The following LRRC41 variants were observed in gnomAD, a reference collection of about 807,000 sequenced individuals.
LRRC41 encodes the protein leucine rich repeat containing 41, also known as leucine-rich repeat-containing protein 41.
In LRRC41, 17 loss-of-function variants were observed where a neutral mutation model predicts 72.1. The ratio of observed to expected loss-of-function variants is 0.24; its 90% CI spans 0.16 to 0.35. LRRC41 has a LOEUF of 0.35. Among genes scored for constraint, LRRC41 ranks in the 10% least tolerant of loss-of-function variants. The pLI, the probability that LRRC41 is intolerant of heterozygous loss-of-function variation, is 1.00. For missense variants in LRRC41, 759 were observed against 1,065.0 expected (o/e 0.71, Z 4.00); for synonymous variants, 427 against 431.0 (o/e 0.99, Z 0.11).
chr1:46,281,384 G>C lies in LRRC41; in HGVS notation c.1497C>G (p.Gly499=). ...GCAGGCGGAAGATGTTAGAGCCCAG[G>C]CCTATGGCAAGAAAGAGATTAAGTC... is the stretch of plus-strand genomic sequence containing the variant. ...SLESLTLSYN[G]LGSNIFRLLD... Residue 499 remains glycine (G), a splice_region_variant and synonymous_variant, in exon 5 of 10, where the codon GGC becomes GGG. Transcript: ENST00000617190. The C allele has an allele frequency of 6.2e-7, 1 of 1,614,016 alleles. No homozygotes were observed. The highest frequency in any genetic ancestry group is 8.5e-7 in the Non-Finnish European group (1 of 1,179,900).
At position 46,285,649 on chromosome 1, in the gene LRRC41, C is replaced by T. The variant is rs371994339; in HGVS notation, c.1208G>A (p.Arg403His). 1.4e-4 allele frequency: 224 copies of T among 1,614,148 alleles called. 3 individuals are homozygous for T. The highest frequency in any genetic ancestry group is 1.4e-3 in the South Asian group (124 of 91,060). ...TTCAGACTCTGCACCAGGCCCCTGACGGGTGCGAGCACCCTTCTTCCCTGC... is the reference window on the plus strand; with the variant it reads ...TTCAGACTCTGCACCAGGCCCCTGATGGGTGCGAGCACCCTTCTTCCCTGC... ...RAAGKKGARTRQGPGAESEDL... is the reference protein window; with the variant it reads ...RAAGKKGARTHQGPGAESEDL... The change falls in exon 4 of 10, where the codon CGT becomes CAT. Residue 403 changes from arginine (R) to histidine (H), a missense_variant. Around this residue, in one of 4 missense-constraint regions of LRRC41, gnomAD observed 427 missense variants for 520.9 expected, o/e 0.82. Transcript: ENST00000617190. The surrounding 1 kb of genome is among the most constrained non-coding windows in gnomAD (Gnocchi z 5.3).
rs1358099964 is a variant in LRRC41 at position 46,293,629 on chromosome 1, G to A, written c.357+3934C>T. On this transcript the variant is annotated intron_variant, in intron 3 of 9. Transcript: ENST00000617190. ...CTCTCACCCAGGCTGGAGTGCAATGGAGCGATCTAGTCTTACTGCAACCTC... is the reference window on the plus strand; with the variant it reads ...CTCTCACCCAGGCTGGAGTGCAATGAAGCGATCTAGTCTTACTGCAACCTC... Among the ~76,000 whole-genome samples the A allele has an allele frequency of 2.0e-5, 3 of 152,122 alleles. No homozygotes were observed. In the East Asian group the frequency reaches 5.8e-4, roughly 29 times the overall value.
rs1175384013 is a variant in LRRC41, at chr1:46,286,204, A to G, written c.653T>C (p.Leu218Ser). The G allele has an allele frequency of 6.2e-7, 1 of 1,614,154 alleles. No homozygotes were observed. Among genetic ancestry groups the G allele is most frequent in the African/African-American group, 1.3e-5 (1 of 74,946 alleles). ...VAAQQSLRQL[L>S]HQLIHHGAVS... is the part of the protein sequence containing the mutation. ...AGCCCCATGGTGAATGAGCTGATGC[A>G]ACAGCTGCCGAAGTGACTGCTGAGC... The change falls in exon 4 of 10, where the codon TTG (leucine) becomes TCG (serine). Residue 218 changes from leucine to serine, a missense_variant. Physicochemically the swap from Leu to Ser is moderately radical, Grantham distance 145. Around this residue, in one of 4 missense-constraint regions of LRRC41, gnomAD observed 116 missense variants for 250.9 expected, o/e 0.46. Transcript: ENST00000617190. The surrounding 1 kb of genome is among the most constrained non-coding windows in gnomAD (Gnocchi z 5.5).
rs748107241 is a variant in LRRC41 at position 46,279,252 on chromosome 1, C to T, written c.2149G>A (p.Ala717Thr). Residue 717 changes from alanine (A) to threonine (T), a missense_variant, in exon 9 of 10, where the codon GCT becomes ACT. Coordinates refer to ENST00000617190, the MANE Select transcript of LRRC41 (RefSeq NM_006369.5). The surrounding 1 kb of genome is among the most constrained non-coding windows in gnomAD (Gnocchi z 4.5). ...ACATCTGCCAAGGCCAGCAGGCCAG[C>T]ATTCCCTGGAGAGAAGGGGAGAACG... is the stretch of plus-strand genomic sequence containing the variant. ...LRLPGNRLGNAGLLALADVFS... is the reference protein window; with the variant it reads ...LRLPGNRLGNTGLLALADVFS... 6.2e-7 allele frequency: 1 copy of T among 1,614,170 alleles called. No homozygotes were observed. Among genetic ancestry groups the T allele is most frequent in the South Asian group, 1.1e-5 (1 of 91,082 alleles).
Position 46,277,720 on chromosome 1 carries a change from G to A in LRRC41, c.*1145C>T. The A allele has an allele frequency of 7.3e-7, 1 of 1,365,852 alleles. No homozygotes were observed. The highest frequency in any genetic ancestry group is 1.0e-6 in the Non-Finnish European group (1 of 966,480). 84.6% of individuals were successfully genotyped at this position (1,365,852 alleles called of 1,614,324 possible). A position where few individuals can be genotyped will look rare whatever the true frequency, so the allele number is the denominator to read the frequency against. ...ACTTTTTATTCATCTCCTCTTCTCG[G>A]GTAGCTGTAGTTTCAACCCTTTGGT... On this transcript the variant is annotated 3_prime_UTR_variant, in exon 10 of 10. Coordinates refer to ENST00000617190, the MANE Select transcript of LRRC41 (RefSeq NM_006369.5).
rs866779688 is a variant in LRRC41, at chr1:46,285,315, G to C, written c.1495+47C>G. 1 of 1,593,898 alleles carries C rather than the reference G, an allele frequency of 6.3e-7. No homozygotes were observed. Among genetic ancestry groups the C allele is most frequent in the African/African-American group, 1.3e-5 (1 of 74,552 alleles). On this transcript the variant is annotated intron_variant, in intron 4 of 9. Transcript: ENST00000617190. This position sits in a 1 kb window ranked among gnomAD's most constrained non-coding sequence, Gnocchi z 5.3. ...CCCTAGAATTAGGCACACAGCTGGTGCTGCTAGGCAATCTAAGCCCAATCC... is the reference window on the plus strand; with the variant it reads ...CCCTAGAATTAGGCACACAGCTGGTCCTGCTAGGCAATCTAAGCCCAATCC...
intron 4 of LRRC41, among the ~76,000 whole-genome samples, chr1:46,283,614 C>T (rs185886261): frequency 2.0e-5 from 3 of 152,126 alleles, no homozygotes; most frequent in Non-Finnish European, 4.4e-5. Context: ...GCATAGTTGG[C>T]CTTTGAAACC....
At chr1:46,301,980 C>A (rs1177947620) in intron 1 of LRRC41, 3 of 985,338 alleles carry the variant, frequency 3.0e-6, no homozygotes, top group Admixed American at 1.2e-4. Flanking sequence ...CAGAGCCTCA[C>A]TTTCCCCTCT....
Position 46,286,596 on chromosome 1 carries a change from A to G in LRRC41, c.358-97T>C. The G allele has an allele frequency of 9.0e-7, 1 of 1,116,514 alleles. No homozygotes were observed. The highest frequency in any genetic ancestry group is 1.3e-6 in the Non-Finnish European group (1 of 785,572). The allele number at this position is 1,116,514 out of a possible 1,614,324, so 69.2% of individuals were successfully genotyped here. A position where few individuals can be genotyped will look rare whatever the true frequency, so the allele number is the denominator to read the frequency against. Reference sequence around the variant, plus strand: ...TAGCACACTATTTACTGAGTCAGGCAACACTACAAATTCATTTAATCTTCA... The same window carrying G: ...TAGCACACTATTTACTGAGTCAGGCGACACTACAAATTCATTTAATCTTCA... On this transcript the variant is annotated intron_variant, in intron 3 of 9. Coordinates refer to ENST00000617190, the MANE Select transcript of LRRC41 (RefSeq NM_006369.5). The surrounding 1 kb of genome is among the most constrained non-coding windows in gnomAD (Gnocchi z 5.5).
In LRRC41 at chr1:46,285,103, T is replaced by C. The variant is rs937433371; in HGVS notation, c.1495+259A>G. On this transcript the variant is annotated intron_variant, in intron 4 of 9. Transcript: ENST00000617190. This position sits in a 1 kb window ranked among gnomAD's most constrained non-coding sequence, Gnocchi z 5.3. ...CTTGGACTGCCTTCCATATCTAAAA[T>C]GTATTCATTCTTCAGATTCCAGCTG... 2 of 526,464 alleles carry C rather than the reference T, an allele frequency of 3.8e-6. No homozygotes were observed. The highest frequency in any genetic ancestry group is 6.3e-5 in the Admixed American group (2 of 31,894). 32.6% of individuals were successfully genotyped at this position (526,464 alleles called of 1,614,324 possible).
chr1:46,278,165 C>A lies in LRRC41; in HGVS notation c.*700G>T, dbSNP rs1660678372. The A allele has an allele frequency of 1.2e-6, 2 of 1,613,708 alleles. No individual in the cohort carries two copies. The highest frequency in any genetic ancestry group is 2.7e-5 in the African/African-American group (2 of 74,924). The stretch of plus-strand genomic sequence containing the variant: ...CAGACCTGGCAGGGTGGAACCACTG[C>A]ACTGATAAGTGGGGGCTCCGGGATG... On this transcript the variant is annotated 3_prime_UTR_variant, in exon 10 of 10. Coordinates refer to ENST00000617190, the MANE Select transcript of LRRC41 (RefSeq NM_006369.5).
In LRRC41 at chr1:46,279,327, A is replaced by G; in HGVS notation, c.2144-70T>C. On this transcript the variant is annotated intron_variant, in intron 8 of 9. Coordinates refer to ENST00000617190, the MANE Select transcript of LRRC41 (RefSeq NM_006369.5). The surrounding 1 kb of genome is among the most constrained non-coding windows in gnomAD (Gnocchi z 4.5). ...GGGACAAGGGTATCCCAACCCAACT[A>G]TGGCTGGCAGAACCAGCCCTGCTGG... 6.3e-7 allele frequency: 1 copy of G among 1,583,378 alleles called. No individual in the cohort carries two copies. The highest frequency in any genetic ancestry group is 1.7e-5 in the Admixed American group (1 of 59,986).
At position 46,286,004 on chromosome 1, in the gene LRRC41, C is replaced by A. The variant is rs1414097436; in HGVS notation, c.853G>T (p.Gly285Cys). The change falls in exon 4 of 10, where the codon GGC (glycine) becomes TGC (cysteine). Residue 285 changes from glycine (G) to cysteine (C), a missense_variant. By Grantham distance (159) the Gly-to-Cys change is radical. Transcript: ENST00000617190. This position sits in a 1 kb window ranked among gnomAD's most constrained non-coding sequence, Gnocchi z 5.5. ...PSRDEGSLLL[G>C]SRRPRRDAAE... ...GCATCCCGGCGGGGCCGACGTGAGC[C>A]CAATAAGAGGGACCCTTCATCTCGG... 1.4e-5 allele frequency: 22 copies of A among 1,556,632 alleles called. No homozygotes were observed. Among genetic ancestry groups the A allele is most frequent in the Non-Finnish European group, 1.7e-5 (19 of 1,150,954 alleles).
chr1:46,293,560 T>G (rs1296191191), intron 3 of LRRC41, among the ~76,000 whole-genome samples: 1 of 151,962 alleles, frequency 6.6e-6, no homozygotes, highest in Non-Finnish European at 1.5e-5. Context: ...TGCTTTTACT[T>G]TTTTTTGTTT....
At position 46,280,297 on chromosome 1, in the gene LRRC41, A is replaced by G; in HGVS notation, c.1922-7T>C. On this transcript the variant is annotated splice_region_variant and splice_polypyrimidine_tract_variant and intron_variant, in intron 6 of 9. Coordinates refer to ENST00000617190, the MANE Select transcript of LRRC41 (RefSeq NM_006369.5). ...TTCAGGGCTAGGTTGTACTCTGGAT[A>G]GGAGGCAGAGACCATGGACCATGGA... 4 of 1,613,028 alleles carry G rather than the reference A, an allele frequency of 2.5e-6. No homozygotes were observed. The highest frequency in any genetic ancestry group is 3.4e-6 in the Non-Finnish European group (4 of 1,178,944).
Position 46,303,341 on chromosome 1 carries a change from C to G in LRRC41, c.-19G>C. 1 of 1,494,192 alleles carries G rather than the reference C, an allele frequency of 6.7e-7. No individual in the cohort carries two copies. The highest frequency in any genetic ancestry group is 2.5e-5 in the East Asian group (1 of 39,282). The allele number at this position is 1,494,192 out of a possible 1,614,324, so 92.6% of individuals were successfully genotyped here. ...CCGCCATCTTGGGGAGGTGCGCGAG[C>G]CCGAGAGTGTCGCCCGCGGACCGCC... On this transcript the variant is annotated 5_prime_UTR_variant, in exon 1 of 10. Transcript: ENST00000617190.
Position 46,302,474 on chromosome 1 carries a change from T to G in LRRC41, c.199+650A>C. ...GTCAGTTTGGCACCCGAGACCCCGG[T>G]TGTCGGTTCGCTCCCGTCAGCCCTG... On this transcript the variant is annotated intron_variant, in intron 1 of 9. Coordinates refer to ENST00000617190, the MANE Select transcript of LRRC41 (RefSeq NM_006369.5). This position sits in a 1 kb window ranked among gnomAD's most constrained non-coding sequence, Gnocchi z 4.7. The G allele has an allele frequency of 1.0e-6, 1 of 985,170 alleles. No homozygotes were observed. The highest frequency in any genetic ancestry group is 4.7e-5 in the South Asian group (1 of 21,270). 61.0% of individuals were successfully genotyped at this position (985,170 alleles called of 1,614,324 possible).
chr1:46,280,463 C>T lies in LRRC41; in HGVS notation c.1854G>A (p.Gln618=), dbSNP rs1336981291. ...CAAAGGTGGCACTATCCAGGGACAG[C>T]TGCTGCAGAGAACCCGAGGCCTTCA... The part of the protein sequence containing the change: ...SVLKASGSLQ[Q]LSLDSATFAS... The change falls in exon 6 of 10, where the codon CAG becomes CAA. Residue 618 remains glutamine, a synonymous_variant. Coordinates refer to ENST00000617190, the MANE Select transcript of LRRC41 (RefSeq NM_006369.5). 1 of 1,614,078 alleles carries T rather than the reference C, an allele frequency of 6.2e-7. No homozygotes were observed. Among genetic ancestry groups the T allele is most frequent in the East Asian group, 2.2e-5 (1 of 44,884 alleles).
At chr1:46,296,011 T>G (rs72883414) in intron 3 of LRRC41, among the ~76,000 whole-genome samples, 1 of 152,194 alleles carries the variant, frequency 6.6e-6, no homozygotes, top group African/African-American at 2.4e-5. Flanking sequence ...GTTCAAATAC[T>G]ACTTCCTAGG....
Sources: gnomAD v4.1 joint callset for allele counts (sites outside exome capture counted in the v4.1 genomes callset) on GRCh38, gnomAD v4.1.1 for gene constraint, gnomAD v4.1.1 regional missense constraint, Gnocchi (gnomAD v3.1) non-coding constraint, MANE v1.5 for transcripts, NCBI Gene and HGNC (gene_info 2026-07-23, HGNC 2026-07-21) for gene names.